Variants in EPB41L2 observed in about 807,000 individuals in gnomAD.
EPB41L2 encodes erythrocyte membrane protein band 4.1 like 2, also known as band 4.1-like protein 2.
Under a neutral mutation model 113.0 loss-of-function variants are expected in EPB41L2, and 43 were observed. The ratio of observed to expected loss-of-function variants is 0.38; its 90% confidence interval spans 0.30 to 0.49. The LOEUF (loss-of-function observed/expected upper bound fraction) is 0.49, where lower values mean the gene tolerates loss of function less well. EPB41L2 is among the 20% of genes least tolerant of loss of function. EPB41L2 has a pLI of 0.95. For missense variants in EPB41L2, 1,147 were observed against 1,223.4 expected (o/e 0.94, Z 0.93); for synonymous variants, 442 against 436.7 (o/e 1.01, Z -0.15).
At chr6:130,978,072 C>A (rs1694311816) in intron 1 of EPB41L2, among the ~76,000 whole-genome samples, 1 of 152,206 alleles carries the variant, frequency 6.6e-6, no homozygotes, top group African/African-American at 2.4e-5. Context: ...CTACCTAACC[C>A]ATCCCCTATA....
intron 4 of EPB41L2, among the ~76,000 whole-genome samples, chr6:130,919,086 T>G (rs1012033466): frequency 1.3e-5 from 2 of 152,166 alleles, no homozygotes; most frequent in Admixed American, 6.5e-5. Flanking sequence ...ATTAAAGATA[T>G]TGCTAATTGT....
At chr6:131,055,814 T>A (rs1166597023) in intron 1 of EPB41L2, among the ~76,000 whole-genome samples, 1 of 152,198 alleles carries the variant, frequency 6.6e-6, no homozygotes, top group Non-Finnish European at 1.5e-5. Flanking sequence ...TTATAGCACC[T>A]GGTGTGTAGT....
chr6:130,923,039 C>T (rs1180442035), intron 4 of EPB41L2, among the ~76,000 whole-genome samples: 3 of 152,150 alleles, frequency 2.0e-5, no homozygotes, highest in Admixed American at 1.3e-4. Context: ...CCCCTACCAA[C>T]CCCCCAGTCG....
chr6:130,872,641 G>A (rs1786135212), intron 14 of EPB41L2: 1 of 736,814 alleles, frequency 1.4e-6, no homozygotes, highest in Non-Finnish European at 1.9e-6. Flanking sequence ...AAGAACAACA[G>A]AACAGCATAA....
intron 18 of EPB41L2, among the ~76,000 whole-genome samples, chr6:130,862,916 T>C (rs1199702202): frequency 6.6e-6 from 1 of 152,212 alleles, no homozygotes; most frequent in Non-Finnish European, 1.5e-5. Flanking sequence ...TTTCTTCAAG[T>C]TGTTATAAAA....
At chr6:131,029,903 CTT>C (rs1234856068) in intron 1 of EPB41L2, among the ~76,000 whole-genome samples, 6 of 140,014 alleles carry the variant, frequency 4.3e-5, no homozygotes, top group Non-Finnish European at 4.7e-5. Context: ...CTCTTTTTTT[CTT>C]TTTTTTTTTT....
At chr6:130,922,440 A>C (rs2128543401) in intron 4 of EPB41L2, among the ~76,000 whole-genome samples, 1 of 152,300 alleles carries the variant, frequency 6.6e-6, no homozygotes, top group South Asian at 2.1e-4. Context: ...GCCCATTTTT[A>C]CCTTGACTGA....
intron 1 of EPB41L2, among the ~76,000 whole-genome samples, chr6:131,029,395 A>ATTT (rs1562765033): frequency 6.0e-5 from 9 of 149,894 alleles, no homozygotes; most frequent in African/African-American, 1.9e-4. Context: ...TTTGTTTAAA[A>ATTT]AAAAAAAAAA....
At chr6:130,968,331 T>G (rs1476615366) in intron 1 of EPB41L2, among the ~76,000 whole-genome samples, 6 of 152,200 alleles carry the variant, frequency 3.9e-5, no homozygotes, top group Non-Finnish European at 2.9e-5. Context: ...AGCTGGAGCC[T>G]ACACTGATCT....
chr6:130,983,977 GCAAA>G (rs1297374326), intron 1 of EPB41L2, among the ~76,000 whole-genome samples: 1 of 152,062 alleles, frequency 6.6e-6, no homozygotes, highest in Non-Finnish European at 1.5e-5. Flanking sequence ...AGCTTAAAAT[GCAAA>G]CATATTGTAC....
chr6:130,863,582 G>C lies in EPB41L2; in HGVS notation c.2910+56C>G, dbSNP rs1254334767. 3 of 1,255,408 alleles carry C rather than the reference G, an allele frequency of 2.4e-6. No homozygotes were observed. The South Asian group carries it at 3.7e-5, about 15-fold the overall frequency. The allele number at this position is 1,255,408 out of a possible 1,614,324, so 77.8% of individuals were successfully genotyped here. On this transcript the variant is annotated intron_variant, in intron 18 of 19. Coordinates refer to ENST00000337057, the MANE Select transcript of EPB41L2 (RefSeq NM_001431.4). Reference sequence around the variant, plus strand: ...ACAGGTATGCGACATGATGACAAATGTGAAACTTAGAAAACAAACAGGGCC... The same window carrying C: ...ACAGGTATGCGACATGATGACAAATCTGAAACTTAGAAAACAAACAGGGCC...
rs763557331 is a variant in EPB41L2 at position 130,869,863 on chromosome 6, C to T, written c.2307G>A (p.Glu769=). 18 of 1,613,388 alleles carry T rather than the reference C, an allele frequency of 1.1e-5. No homozygotes were observed. The highest frequency in any genetic ancestry group is 1.5e-5 in the Non-Finnish European group (18 of 1,180,002). ...CCACCTCTTCTTCATACTCCTGTTC[C>T]TCCCTGATGGTGCCCTCGGTCACTC... is the stretch of plus-strand genomic sequence containing the variant. ...HHRVTEGTIR[E]EQEYEEEVEE... is the part of the protein sequence containing the mutation. Residue 769 remains glutamate, a synonymous_variant, in exon 15 of 20, where the codon GAG becomes GAA. Coordinates refer to ENST00000337057, the MANE Select transcript of EPB41L2 (RefSeq NM_001431.4).
chr6:130,910,769 A>C (rs1287725334), intron 4 of EPB41L2, among the ~76,000 whole-genome samples: 1 of 152,266 alleles, frequency 6.6e-6, no homozygotes, highest in African/African-American at 2.4e-5. Context: ...AAACATATGA[A>C]AAAAAGCTCA....
intron 11 of EPB41L2, among the ~76,000 whole-genome samples, chr6:130,888,214 C>T (rs1326637069): frequency 6.6e-6 from 1 of 152,104 alleles, no homozygotes; most frequent in African/African-American, 2.4e-5. Context: ...GGGGAAAAAA[C>T]GGAGAATATA....
At chr6:131,026,649 C>T (rs909177698) in intron 1 of EPB41L2, among the ~76,000 whole-genome samples, 1 of 152,162 alleles carries the variant, frequency 6.6e-6, no homozygotes, top group Non-Finnish European at 1.5e-5. Context: ...TCCTGGTATA[C>T]ACCACCAGTT....
chr6:130,980,302 T>C (rs1779107369), intron 1 of EPB41L2, among the ~76,000 whole-genome samples: 1 of 151,926 alleles, frequency 6.6e-6, no homozygotes, highest in South Asian at 2.1e-4. Flanking sequence ...TCAGGGGAGA[T>C]GTATGTTTAG....
Position 130,921,318 on chromosome 6 carries a change from AATG to A in EPB41L2, c.810+5284_810+5286del, listed in dbSNP as rs1413738174. 3.3e-5 allele frequency among the ~76,000 whole-genome samples: 5 copies of A among 151,636 alleles called. No individual in the cohort carries two copies. The East Asian group carries it at 5.8e-4, about 18-fold the overall frequency. ...TCAGCATGAGATACAAGATCCAAAG[AATG>A]ATATTTGCTTATTTTTCCAGCTGCT... On this transcript the variant is annotated intron_variant, in intron 4 of 19. Coordinates refer to ENST00000337057, the MANE Select transcript of EPB41L2 (RefSeq NM_001431.4).
At chr6:130,999,823 G>T (rs747633481) in intron 1 of EPB41L2, among the ~76,000 whole-genome samples, 61 of 152,264 alleles carry the variant, frequency 4.0e-4, no homozygotes, top group South Asian at 2.3e-3. Flanking sequence ...GAGAATCAAA[G>T]AAATTTTAGA....
At chr6:130,952,000 A>T (rs1815282102) in intron 3 of EPB41L2, among the ~76,000 whole-genome samples, 1 of 152,188 alleles carries the variant, frequency 6.6e-6, no homozygotes, top group Non-Finnish European at 1.5e-5. Flanking sequence ...AACCATTTTT[A>T]TTAAAAGTCG....
Sources: allele counts gnomAD v4.1 joint callset (sites outside exome capture counted in the v4.1 genomes callset), GRCh38; gene constraint gnomAD v4.1.1; transcripts MANE v1.5; gene names NCBI Gene and HGNC (gene_info 2026-07-23, HGNC 2026-07-21).